SLC9A9: variants seen among roughly 807,000 people sequenced by gnomAD.
SLC9A9 encodes solute carrier family 9 member A9.
SLC9A9 carries 62 observed loss-of-function variants against 77.8 expected under a neutral mutation model. That is an observed-to-expected ratio of 0.80 (90% CI 0.65 to 0.98). The LOEUF (loss-of-function observed/expected upper bound fraction) is 0.98, where lower values mean the gene tolerates loss of function less well. Among genes scored for constraint, SLC9A9 ranks in the 50% least tolerant of loss-of-function variants. The probability of loss-of-function intolerance (pLI) is 0.00; values close to 1 mark genes in which losing one functional copy is unlikely to be tolerated. For synonymous variants in SLC9A9, 320 were observed against 283.5 expected, an observed-to-expected ratio of 1.13 and a Z score of -1.29; for missense variants, 775 against 774.9, an observed-to-expected ratio of 1.00 and a Z score of 0.00.
intron 12 of SLC9A9, among the ~76,000 whole-genome samples, chr3:143,445,462 T>C (rs574610973): frequency 6.6e-6 from 1 of 152,324 alleles, no homozygotes; most frequent in Admixed American, 6.5e-5. Flanking sequence ...TTGGAAACTT[T>C]GGGAGTTTCA....
intron 4 of SLC9A9, among the ~76,000 whole-genome samples, chr3:143,780,930 AT>A (rs1488359903): frequency 6.6e-6 from 1 of 152,210 alleles, no homozygotes; most frequent in Non-Finnish European, 1.5e-5. Context: ...CATACTTTAT[AT>A]TTTTTAGTTG....
At chr3:143,711,369 G>C (rs1043069751) in intron 4 of SLC9A9, among the ~76,000 whole-genome samples, 1 of 151,950 alleles carries the variant, frequency 6.6e-6, no homozygotes, top group African/African-American at 2.4e-5. Flanking sequence ...CCACCAAAAT[G>C]CTTTAAAGAA....
intron 14 of SLC9A9, among the ~76,000 whole-genome samples, chr3:143,342,457 G>A (rs1265268028): frequency 6.6e-6 from 1 of 152,136 alleles, no homozygotes; most frequent in Non-Finnish European, 1.5e-5. Context: ...CCTGATCTAA[G>A]AAGCTAGATG....
chr3:143,421,757 A>G (rs2034301220), intron 12 of SLC9A9, among the ~76,000 whole-genome samples: 1 of 152,226 alleles, frequency 6.6e-6, no homozygotes, highest in African/African-American at 2.4e-5. Context: ...CTTAAACTAA[A>G]GAGCTTTTGC....
intron 1 of SLC9A9, among the ~76,000 whole-genome samples, chr3:143,844,898 C>T (rs559870275): frequency 2.0e-5 from 3 of 151,838 alleles, no homozygotes; most frequent in African/African-American, 7.2e-5. Context: ...TCTTTTCTTC[C>T]CCATTAGTTA....
Position 143,525,008 on chromosome 3 carries a change from C to A in SLC9A9, c.1089+27354G>T, listed in dbSNP as rs139231856. On this transcript the variant is annotated intron_variant, in intron 9 of 15. Coordinates refer to ENST00000316549, the MANE Select transcript of SLC9A9 (RefSeq NM_173653.4). ...AGAATCATGAGCTAAAAAAGTCTTT[C>A]CCTTATAAATTATTCAGTCTCAAGT... is the stretch of plus-strand genomic sequence containing the variant. Among the ~76,000 whole-genome samples the A allele has an allele frequency of 1.4e-3, 208 of 152,234 alleles. 1 individual carries two copies. The highest frequency in any genetic ancestry group is 4.8e-3 in the African/African-American group (199 of 41,530).
chr3:143,662,595 T>C (rs2038996118), intron 5 of SLC9A9, among the ~76,000 whole-genome samples: 1 of 151,936 alleles, frequency 6.6e-6, no homozygotes, highest in Non-Finnish European at 1.5e-5. Context: ...AGGACACTCG[T>C]GCTCTAATAC....
At chr3:143,664,678 TG>T (rs1246995479) in intron 5 of SLC9A9, among the ~76,000 whole-genome samples, 3 of 152,216 alleles carry the variant, frequency 2.0e-5, no homozygotes, top group African/African-American at 7.2e-5. Flanking sequence ...AAGCAGGGGT[TG>T]CAATCCTAGT....
chr3:143,628,399 A>G (rs1381048338), intron 6 of SLC9A9, among the ~76,000 whole-genome samples: 1 of 152,206 alleles, frequency 6.6e-6, no homozygotes, highest in Non-Finnish European at 1.5e-5. Flanking sequence ...CGTCTACCAT[A>G]AAGCCTATAA....
rs552119327 is a variant in SLC9A9, at chr3:143,531,848, T to A, written c.1089+20514A>T. Among the ~76,000 whole-genome samples the A allele has an allele frequency of 2.6e-5, 4 of 151,136 alleles. No homozygotes were observed. The South Asian group carries it at 8.4e-4, about 32-fold the overall frequency. ...TGACCTCTGAGACTCCCTGAGACTCTTACAGGTAGCTCATGAAGTTAACAT... is the reference window on the plus strand; with the variant it reads ...TGACCTCTGAGACTCCCTGAGACTCATACAGGTAGCTCATGAAGTTAACAT... On this transcript the variant is annotated intron_variant, in intron 9 of 15. Coordinates refer to ENST00000316549, the MANE Select transcript of SLC9A9 (RefSeq NM_173653.4).
chr3:143,604,708 G>C (rs2037894693), intron 6 of SLC9A9, among the ~76,000 whole-genome samples: 1 of 152,198 alleles, frequency 6.6e-6, no homozygotes, highest in African/African-American at 2.4e-5. Context: ...TTGCAATACA[G>C]TAAAAGCTAC....
chr3:143,726,809 T>C lies in SLC9A9; in HGVS notation c.534-33502A>G, dbSNP rs79713853. 8.7e-3 allele frequency among the ~76,000 whole-genome samples: 1,321 copies of C among 152,230 alleles called. 24 individuals are homozygous for C. Among genetic ancestry groups the C allele is most frequent in the African/African-American group, 0.03 (1,264 of 41,536 alleles). On this transcript the variant is annotated intron_variant, in intron 4 of 15. Coordinates refer to ENST00000316549, the MANE Select transcript of SLC9A9 (RefSeq NM_173653.4). ...GAAATCATATTCTGGGAGGATATGG[T>C]TGATTGGAAATACAGTGACCAAGAG...
At chr3:143,733,898 G>A (rs1217204539) in intron 4 of SLC9A9, among the ~76,000 whole-genome samples, 1 of 152,130 alleles carries the variant, frequency 6.6e-6, no homozygotes, top group Non-Finnish European at 1.5e-5. Flanking sequence ...AACTCGAATT[G>A]ACTAAGAAAA....
chr3:143,375,119 T>C (rs1241419231), intron 13 of SLC9A9, among the ~76,000 whole-genome samples: 1 of 152,214 alleles, frequency 6.6e-6, no homozygotes, highest in Non-Finnish European at 1.5e-5. Flanking sequence ...TTGAAACAGT[T>C]GCAAGAATAC....
At chr3:143,507,211 T>C (rs1221049524) in intron 9 of SLC9A9, among the ~76,000 whole-genome samples, 1 of 151,504 alleles carries the variant, frequency 6.6e-6, no homozygotes, top group Non-Finnish European at 1.5e-5. Flanking sequence ...ATTATTATTA[T>C]TATTTTTATT....
chr3:143,444,239 T>G (rs2034803250), intron 12 of SLC9A9, among the ~76,000 whole-genome samples: 1 of 152,238 alleles, frequency 6.6e-6, no homozygotes, highest in African/African-American at 2.4e-5. Context: ...ATTGGCCAGA[T>G]GCCTAGATTT....
intron 8 of SLC9A9, among the ~76,000 whole-genome samples, chr3:143,555,869 G>C (rs567284403): frequency 9.2e-5 from 14 of 152,158 alleles, no homozygotes; most frequent in African/African-American, 3.4e-4. Context: ...ACAAACAGTG[G>C]AGAATGAGCC....
intron 7 of SLC9A9, among the ~76,000 whole-genome samples, chr3:143,575,593 G>A (rs1214890681): frequency 6.6e-6 from 1 of 152,194 alleles, no homozygotes; most frequent in Non-Finnish European, 1.5e-5. Context: ...TAAAGAATGG[G>A]CTGCCCTGAG....
At chr3:143,626,177 A>T (rs554062284) in intron 6 of SLC9A9, among the ~76,000 whole-genome samples, 2,083 of 152,346 alleles carry the variant, frequency 0.014, 42 homozygotes, top group African/African-American at 0.047. Flanking sequence ...GGGACTGTAA[A>T]CTAGTTCAAC....
Sources: gnomAD v4.1 joint callset for allele counts (sites outside exome capture counted in the v4.1 genomes callset) on GRCh38, gnomAD v4.1.1 for gene constraint, MANE v1.5 for transcripts, NCBI Gene and HGNC (gene_info 2026-07-23, HGNC 2026-07-21) for gene names.